Variants in GABRA2 observed in about 807,000 individuals in gnomAD.
GABRA2 encodes the protein gamma-aminobutyric acid type A receptor subunit alpha2, also known as gamma-aminobutyric acid receptor subunit alpha-2.
In GABRA2, 16 loss-of-function variants were observed where a neutral mutation model predicts 48.7. That is an observed-to-expected ratio of 0.33 (90% CI 0.22 to 0.50). GABRA2 has a LOEUF of 0.50. Among genes scored for constraint, GABRA2 ranks in the 20% least tolerant of loss-of-function variants. GABRA2 has a pLI of 0.98. For synonymous variants in GABRA2, 185 were observed against 184.5 expected (o/e 1.00, Z -0.02); for missense variants, 275 against 535.6 (o/e 0.51, Z 4.80).
At chr4:46,292,915 C>T (rs148295189) in intron 8 of GABRA2, among the ~76,000 whole-genome samples, 3 of 152,258 alleles carry the variant, frequency 2.0e-5, no homozygotes, top group East Asian at 3.9e-4. Flanking sequence ...CTAACAGTGA[C>T]AATTGCAGTC....
intron 3 of GABRA2, among the ~76,000 whole-genome samples, chr4:46,338,708 T>TA (rs1732696079): frequency 6.6e-6 from 1 of 151,848 alleles, no homozygotes; most frequent in Non-Finnish European, 1.5e-5. Flanking sequence ...AATTTCCCAT[T>TA]AAAAAAGATT....
At position 46,330,589 on chromosome 4, in the gene GABRA2, T is replaced by TAGAGAG. The variant is rs1322712224; in HGVS notation, c.255+2025_255+2026insCTCTCT. Among the ~76,000 whole-genome samples the TAGAGAG allele has an allele frequency of 9.4e-3, 1,172 of 124,536 alleles. 12 individuals are homozygous for TAGAGAG. Among genetic ancestry groups the TAGAGAG allele is most frequent in the African/African-American group, 0.028 (995 of 35,838 alleles). 81.7% of individuals were successfully genotyped at this position (124,536 alleles called of 152,430 possible). A position where few individuals can be genotyped will look rare whatever the true frequency, so the allele number is the denominator to read the frequency against. ...ATATATATATATATATATATATATATATAGAGAGAGAGAGAGAGAGATGTT... is the reference window on the plus strand; with the variant it reads ...ATATATATATATATATATATATATATAGAGAGATAGAGAGAGAGAGAGAGAGATGTT... On this transcript the variant is annotated intron_variant, in intron 4 of 9. Coordinates refer to ENST00000381620, the MANE Select transcript of GABRA2 (RefSeq NM_000807.4).
intron 8 of GABRA2, among the ~76,000 whole-genome samples, chr4:46,295,300 G>A (rs964186778): frequency 1.3e-5 from 2 of 152,246 alleles, no homozygotes. Context: ...TTCATAGGCT[G>A]TAGCTAATGG....
At chr4:46,319,676 AT>A (rs892979968) in intron 4 of GABRA2, among the ~76,000 whole-genome samples, 13 of 151,964 alleles carry the variant, frequency 8.6e-5, no homozygotes, top group African/African-American at 3.1e-4. Context: ...GCAGAACAAC[AT>A]AGCTACTGCA....
chr4:46,387,081 G>T (rs1009917289), intron 2 of GABRA2, among the ~76,000 whole-genome samples: 8 of 152,152 alleles, frequency 5.3e-5, no homozygotes, highest in African/African-American at 1.2e-4. Context: ...GTATAAAACA[G>T]AATGTCCCTT....
chr4:46,299,609 A>G (rs183212134), intron 8 of GABRA2, among the ~76,000 whole-genome samples: 384 of 152,054 alleles, frequency 2.5e-3, no homozygotes, highest in Non-Finnish European at 4.3e-3. Context: ...AAAATTTGGA[A>G]AGAGGAAAGT....
chr4:46,280,669 T>C (rs565229168), intron 8 of GABRA2, among the ~76,000 whole-genome samples: 111 of 152,314 alleles, frequency 7.3e-4, no homozygotes, highest in Admixed American at 7.1e-3. Flanking sequence ...TGTAGTACTG[T>C]GGACTGACTG....
chr4:46,357,337 G>A (rs1015717920), intron 3 of GABRA2, among the ~76,000 whole-genome samples: 3 of 149,744 alleles, frequency 2.0e-5, no homozygotes, highest in Admixed American at 6.8e-5. Context: ...GGAGAAAAAA[G>A]GGTCTTATTA....
intron 3 of GABRA2, chr4:46,367,610 G>T (rs1015564900): frequency 5.9e-5 from 9 of 152,112 alleles, no homozygotes; most frequent in African/African-American, 2.2e-4. Flanking sequence ...CAAGAAAAGA[G>T]AAGGTACATA....
At chr4:46,271,670 T>A (rs1007762096) in intron 8 of GABRA2, among the ~76,000 whole-genome samples, 1 of 151,940 alleles carries the variant, frequency 6.6e-6, no homozygotes, top group Non-Finnish European at 1.5e-5. Context: ...ACAATTATGA[T>A]CTAGAAGAAA....
At chr4:46,289,753 G>T (rs1723228068) in intron 8 of GABRA2, among the ~76,000 whole-genome samples, 1 of 151,986 alleles carries the variant, frequency 6.6e-6, no homozygotes, top group Admixed American at 6.6e-5. Flanking sequence ...GTTTGGGTTT[G>T]TTTCTGGGCT....
At chr4:46,346,806 A>T (rs1734215866) in intron 3 of GABRA2, among the ~76,000 whole-genome samples, 1 of 151,784 alleles carries the variant, frequency 6.6e-6, no homozygotes, top group East Asian at 1.9e-4. Context: ...TAAGCAAGAA[A>T]GAAAAATAAA....
chr4:46,312,026 G>A (rs1248978017), intron 5 of GABRA2, among the ~76,000 whole-genome samples: 3 of 152,178 alleles, frequency 2.0e-5, no homozygotes, highest in East Asian at 3.9e-4. Flanking sequence ...TACAACCCAG[G>A]AAGCGGAGGT....
intron 9 of GABRA2, among the ~76,000 whole-genome samples, chr4:46,252,065 CTT>C (rs202222205): frequency 4.5e-3 from 680 of 151,396 alleles, no homozygotes; most frequent in Non-Finnish European, 7.0e-3. Flanking sequence ...TATTTTGACT[CTT>C]ATTTATTTTA....
chr4:46,334,474 A>G (rs13149634), intron 3 of GABRA2, among the ~76,000 whole-genome samples: 4,624 of 152,262 alleles, frequency 0.03, 86 homozygotes, highest in African/African-American at 0.05. Flanking sequence ...CAGAGAAGAG[A>G]AATTAAAATG....
At chr4:46,254,419 A>T (rs1157527395) in intron 9 of GABRA2, among the ~76,000 whole-genome samples, 1 of 151,530 alleles carries the variant, frequency 6.6e-6, no homozygotes, top group Non-Finnish European at 1.5e-5. Context: ...GTTCCTATAC[A>T]ATTTTTGTTT....
At chr4:46,389,610 C>T in intron 1 of GABRA2, 125 bp downstream of exon 1, 3 of 508,408 alleles carry the variant, frequency 5.9e-6, no homozygotes, top group Non-Finnish European at 7.6e-6. Flanking sequence ...GAGGGAGGTG[C>T]GGGAATTGAG....
chr4:46,381,642 C>T (rs533554260), intron 3 of GABRA2, among the ~76,000 whole-genome samples: 1 of 152,210 alleles, frequency 6.6e-6, no homozygotes, highest in Non-Finnish European at 1.5e-5. Flanking sequence ...TGTACTTGAG[C>T]CATATACTAT....
intron 7 of GABRA2, among the ~76,000 whole-genome samples, chr4:46,304,606 TA>T (rs1418256371): frequency 3.3e-5 from 5 of 151,910 alleles, no homozygotes; most frequent in African/African-American, 1.2e-4. Context: ...TTATCTAGAA[TA>T]GGGGTGAAAA....
Sources: allele counts gnomAD v4.1 joint callset (sites outside exome capture counted in the v4.1 genomes callset), GRCh38; gene constraint gnomAD v4.1.1; transcripts MANE v1.5; gene names NCBI Gene and HGNC (gene_info 2026-07-23, HGNC 2026-07-21).